Variants in ENOX2 observed in about 807,000 individuals in gnomAD.
ENOX2 encodes the protein ecto-NOX disulfide-thiol exchanger 2.
ENOX2 carries 36 observed loss-of-function variants against 45.0 expected under a neutral mutation model. The ratio of observed to expected loss-of-function variants is 0.80; its 90% CI spans 0.61 to 1.06. ENOX2 has a LOEUF of 1.06. Among genes scored for constraint, ENOX2 ranks in the 50% least tolerant of loss-of-function variants. The pLI is 0.00. For missense variants in ENOX2, 423 were observed against 462.5 expected (o/e 0.91, Z 0.78); for synonymous variants, 174 against 152.3 (o/e 1.14, Z -1.05).
chrX:130,854,768 T>A (rs1345837324), intron 2 of ENOX2, among the ~76,000 whole-genome samples: 1 of 111,730 alleles, frequency 9.0e-6, no homozygotes, highest in Non-Finnish European at 1.9e-5. Flanking sequence ...TGGATCAATA[T>A]TCAAAAAATC....
At chrX:130,836,402 C>T (rs747418585) in intron 2 of ENOX2, among the ~76,000 whole-genome samples, 67 of 110,372 alleles carry the variant, frequency 6.1e-4, no homozygotes, top group African/African-American at 2.0e-3. Flanking sequence ...TCAATGTAGG[C>T]AGACTCTGAT....
intron 2 of ENOX2, among the ~76,000 whole-genome samples, chrX:130,898,055 T>C (rs2079087210): frequency 9.1e-6 from 1 of 110,316 alleles, no homozygotes; most frequent in Non-Finnish European, 1.9e-5. Flanking sequence ...TCTCCCAGGC[T>C]GGAGTGTAGT....
chrX:130,765,959 T>C (rs1175033232), intron 3 of ENOX2, among the ~76,000 whole-genome samples: 1 of 111,309 alleles, frequency 9.0e-6, no homozygotes, highest in Non-Finnish European at 1.9e-5. Flanking sequence ...ACATAGACAA[T>C]TATTTGAGTG....
chrX:130,736,781 C>T (rs1411619219), intron 3 of ENOX2, among the ~76,000 whole-genome samples: 1 of 111,859 alleles, frequency 8.9e-6, no homozygotes, highest in African/African-American at 3.3e-5. Context: ...ATATTAGTTG[C>T]TGCTCTCCAG....
At chrX:130,785,071 A>G (rs1157235858) in intron 2 of ENOX2, among the ~76,000 whole-genome samples, 3 of 109,788 alleles carry the variant, frequency 2.7e-5, no homozygotes, top group Non-Finnish European at 5.7e-5. Flanking sequence ...TACACCTGTA[A>G]TCTCAGCACT....
At chrX:130,893,391 A>G (rs2148592222) in intron 2 of ENOX2, among the ~76,000 whole-genome samples, 1 of 112,291 alleles carries the variant, frequency 8.9e-6, no homozygotes, top group South Asian at 3.7e-4. Context: ...ACACTGTGCT[A>G]GGCACTTTGG....
At chrX:130,642,766 T>C (rs1460717502) in intron 10 of ENOX2, among the ~76,000 whole-genome samples, 1 of 112,134 alleles carries the variant, frequency 8.9e-6, no homozygotes, top group African/African-American at 3.3e-5. Flanking sequence ...GCTCAGATGA[T>C]AGTTAACACA....
intron 10 of ENOX2, among the ~76,000 whole-genome samples, chrX:130,642,934 C>T (rs142871335): frequency 1.6e-3 from 178 of 111,892 alleles, no homozygotes; most frequent in African/African-American, 5.4e-3. Context: ...AGCTTTATTG[C>T]AGCGGTCTGA....
At chrX:130,877,517 T>C (rs1284995854) in intron 2 of ENOX2, among the ~76,000 whole-genome samples, 1 of 111,978 alleles carries the variant, frequency 8.9e-6, no homozygotes, top group Non-Finnish European at 1.9e-5. Flanking sequence ...TGTCTGAGCG[T>C]TTTAAATATT....
At chrX:130,820,560 C>A (rs2077577121) in intron 2 of ENOX2, among the ~76,000 whole-genome samples, 1 of 112,233 alleles carries the variant, frequency 8.9e-6, no homozygotes, top group Non-Finnish European at 1.9e-5. Context: ...TGGAATCAAC[C>A]TAAGTTTCCA....
At chrX:130,719,605 G>C (rs1459002233) in intron 3 of ENOX2, among the ~76,000 whole-genome samples, 1 of 112,387 alleles carries the variant, frequency 8.9e-6, no homozygotes, top group Non-Finnish European at 1.9e-5. Flanking sequence ...GAAGGGGCTA[G>C]CATGGGGGCT....
chrX:130,639,969 A>G (rs1344650995), intron 10 of ENOX2, among the ~76,000 whole-genome samples: 1 of 112,206 alleles, frequency 8.9e-6, no homozygotes, highest in Non-Finnish European at 1.9e-5. Context: ...TTTATTTCTC[A>G]CAATTCTGGA....
At chrX:130,853,463 C>CAAAAAAAAAA (rs754949787) in intron 2 of ENOX2, among the ~76,000 whole-genome samples, 2 of 27,980 alleles carry the variant, frequency 7.1e-5, no homozygotes, top group African/African-American at 1.3e-4. Flanking sequence ...GACTCCGTCT[C>CAAAAAAAAAA]AAAAAAAAAA....
chrX:130,821,742 T>TAAAAAAAAAAAAAAAA, intron 2 of ENOX2, among the ~76,000 whole-genome samples: 6 of 23,160 alleles, frequency 2.6e-4, no homozygotes, highest in African/African-American at 7.4e-4. Flanking sequence ...ATAAATAAAT[T>TAAAAAAAAAAAAAAAA]AAAAAAAAAA....
Position 130,652,454 on chromosome X carries a change from T to C in ENOX2, c.1129+4127A>G, listed in dbSNP as rs774256580. 4.5e-5 allele frequency among the ~76,000 whole-genome samples: 5 copies of C among 112,161 alleles called. No homozygotes were observed. The South Asian group carries it at 1.5e-3, about 34-fold the overall frequency. On this transcript the variant is annotated intron_variant, in intron 10 of 14. Coordinates refer to ENST00000394363, the MANE Select transcript of ENOX2 (RefSeq NM_006375.4). ...GATACCTCTACACTACCATCTACTATTCCTTCTAGTTTCTTCAACTCTAAT... is the reference window on the plus strand; with the variant it reads ...GATACCTCTACACTACCATCTACTACTCCTTCTAGTTTCTTCAACTCTAAT...
chrX:130,871,615 G>A (rs1310725528), intron 2 of ENOX2, among the ~76,000 whole-genome samples: 1 of 111,355 alleles, frequency 9.0e-6, no homozygotes, highest in Non-Finnish European at 1.9e-5. Flanking sequence ...TTACAAAGGT[G>A]AAGGGCGAGG....
chrX:130,634,912 C>G, intron 12 of ENOX2, 72 bp downstream of exon 12: 5 of 556,038 alleles, frequency 9.0e-6, no homozygotes, highest in Non-Finnish European at 1.4e-5. Context: ...GGCATAACTT[C>G]CAGGGCATTT....
intron 2 of ENOX2, among the ~76,000 whole-genome samples, chrX:130,802,462 C>T (rs1201555933): frequency 8.9e-6 from 1 of 112,043 alleles, no homozygotes; most frequent in South Asian, 3.7e-4. Context: ...ATTTTAACAA[C>T]AATAATTTAT....
At chrX:130,705,882 A>AG (rs2038024488) in intron 3 of ENOX2, among the ~76,000 whole-genome samples, 1 of 111,466 alleles carries the variant, frequency 9.0e-6, no homozygotes, top group Non-Finnish European at 1.9e-5. Context: ...GGCCTTGCAG[A>AG]GGGTCCCCGT....
Sources: gnomAD v4.1 joint callset for allele counts (sites outside exome capture counted in the v4.1 genomes callset) on GRCh38, gnomAD v4.1.1 for gene constraint, MANE v1.5 for transcripts, NCBI Gene and HGNC (gene_info 2026-07-23, HGNC 2026-07-21) for gene names.